NAALADL2: variants seen among roughly 807,000 people sequenced by gnomAD.
The protein encoded by NAALADL2 is inactive N-acetylated-alpha-linked acidic dipeptidase-like protein 2.
Under a neutral mutation model 87.2 loss-of-function variants are expected in NAALADL2, and 76 were observed. The observed-to-expected ratio is 0.87, with a 90% CI of 0.72 to 1.05. The LOEUF (loss-of-function observed/expected upper bound fraction) is 1.05. NAALADL2 is among the 50% of genes least tolerant of loss of function. NAALADL2 has a pLI of 0.00. For missense variants in NAALADL2, 1,089 were observed against 945.8 expected (o/e 1.15, Z -1.99); for synonymous variants, 354 against 331.0 (o/e 1.07, Z -0.75).
intron 2 of NAALADL2, among the ~76,000 whole-genome samples, chr3:175,111,265 C>T (rs1724144731): frequency 6.6e-6 from 1 of 151,702 alleles, no homozygotes; most frequent in South Asian, 2.1e-4. Flanking sequence ...AGAGCTACAA[C>T]ACTTAGCAGA....
At chr3:175,579,358 A>T (rs4564988) in intron 10 of NAALADL2, among the ~76,000 whole-genome samples, 19,314 of 152,164 alleles carry the variant, frequency 0.13, 1,383 homozygotes, top group Middle Eastern at 0.17. Context: ...GACATGTCAA[A>T]AAAACATGAC....
chr3:175,009,535 C>T (rs1028967769), intron 1 of NAALADL2, among the ~76,000 whole-genome samples: 20 of 152,100 alleles, frequency 1.3e-4, no homozygotes, highest in African/African-American at 4.6e-4. Flanking sequence ...CTATTTTGAT[C>T]TTTCTAAAGA....
chr3:174,692,915 A>G (rs1728708672), intron 2 of NAALADL2, among the ~76,000 whole-genome samples: 2 of 94,842 alleles, frequency 2.1e-5, no homozygotes, highest in African/African-American at 6.3e-5. Context: ...AATTATTGGT[A>G]TAAAAGGTTC....
At chr3:174,469,045 G>C (rs1716725668) in intron 1 of NAALADL2, among the ~76,000 whole-genome samples, 1 of 152,178 alleles carries the variant, frequency 6.6e-6, no homozygotes, top group South Asian at 2.1e-4. Context: ...TTACAGGCGT[G>C]AGCCACCGTG....
intron 2 of NAALADL2, among the ~76,000 whole-genome samples, chr3:174,729,191 G>A (rs750798484): frequency 3.2e-4 from 48 of 151,998 alleles, no homozygotes; most frequent in Non-Finnish European, 5.0e-4. Context: ...GATGTCTCCT[G>A]TCTGATTGGT....
At chr3:175,240,089 C>G (rs972734763) in intron 3 of NAALADL2, among the ~76,000 whole-genome samples, 10 of 151,988 alleles carry the variant, frequency 6.6e-5, no homozygotes, top group African/African-American at 2.4e-4. Flanking sequence ...AAATACGAAT[C>G]ATTAGGGAAG....
chr3:175,576,319 T>G (rs1718887224), intron 10 of NAALADL2, 132 bp downstream of exon 10: 1 of 756,258 alleles, frequency 1.3e-6, no homozygotes, highest in Non-Finnish European at 2.1e-6. Context: ...TAGAGAGTTA[T>G]TCTTGCTTTT....
intron 2 of NAALADL2, among the ~76,000 whole-genome samples, chr3:174,661,631 T>C (rs552312833): frequency 1.3e-5 from 2 of 152,268 alleles, no homozygotes; most frequent in South Asian, 4.1e-4. Context: ...CCTGGGTATG[T>C]TGTGTAGTGG....
intron 5 of NAALADL2, among the ~76,000 whole-genome samples, chr3:175,399,026 A>G (rs1433737648): frequency 1.3e-5 from 2 of 151,656 alleles, no homozygotes; most frequent in African/African-American, 4.8e-5. Context: ...CCTAGGTACA[A>G]TTTTTTTTAA....
At chr3:174,886,829 G>A (rs1730211472) in intron 1 of NAALADL2, among the ~76,000 whole-genome samples, 1 of 152,112 alleles carries the variant, frequency 6.6e-6, no homozygotes, top group African/African-American at 2.4e-5. Context: ...CTGACACTGA[G>A]CCATGTCTAC....
At chr3:175,379,194 T>C (rs866183529) in intron 5 of NAALADL2, among the ~76,000 whole-genome samples, 2,568 of 146,748 alleles carry the variant, frequency 0.017, 73 homozygotes, top group African/African-American at 0.059. Context: ...CCTCTCTCTT[T>C]TTTTTTTTTT....
chr3:174,933,424 G>A (rs1272615362), intron 1 of NAALADL2, among the ~76,000 whole-genome samples: 3 of 152,134 alleles, frequency 2.0e-5, no homozygotes, highest in Non-Finnish European at 4.4e-5. Flanking sequence ...ATGACCTTGA[G>A]AACATTCAGT....
chr3:174,751,747 G>T (rs1346661625), intron 3 of NAALADL2, among the ~76,000 whole-genome samples: 1 of 151,470 alleles, frequency 6.6e-6, no homozygotes, highest in African/African-American at 2.4e-5. Flanking sequence ...TGATCATGAT[G>T]CATATCTAAT....
At chr3:175,737,731 T>TG (rs1246950352) in intron 12 of NAALADL2, among the ~76,000 whole-genome samples, 1 of 143,128 alleles carries the variant, frequency 7.0e-6, no homozygotes, top group Non-Finnish European at 1.5e-5. Context: ...TTTTTTTTTT[T>TG]TTTTTTTTTT....
intron 3 of NAALADL2, among the ~76,000 whole-genome samples, chr3:174,826,525 A>G (rs957152480): frequency 6.6e-6 from 1 of 152,232 alleles, no homozygotes; most frequent in African/African-American, 2.4e-5. Context: ...ATAATAAGTA[A>G]TCAGTAAACA....
chr3:175,552,806 C>T (rs62287130), intron 9 of NAALADL2, among the ~76,000 whole-genome samples: 27,195 of 151,910 alleles, frequency 0.18, 2,560 homozygotes, highest in Middle Eastern at 0.23. Flanking sequence ...CAAGTATATA[C>T]CTATGATATG....
chr3:175,201,673 T>C (rs201971772), intron 2 of NAALADL2, among the ~76,000 whole-genome samples: 3 of 152,194 alleles, frequency 2.0e-5, no homozygotes, highest in African/African-American at 7.2e-5. Context: ...CCATATTCTT[T>C]TAACTTTGTA....
chr3:175,527,286 C>T (rs1415521732), intron 9 of NAALADL2, among the ~76,000 whole-genome samples: 2 of 152,024 alleles, frequency 1.3e-5, no homozygotes, highest in Non-Finnish European at 2.9e-5. Flanking sequence ...CTGATGAGGC[C>T]CTTCAACACA....
intron 1 of NAALADL2, among the ~76,000 whole-genome samples, chr3:174,484,201 A>G (rs1217956910): frequency 7.8e-6 from 1 of 127,994 alleles, no homozygotes; most frequent in Admixed American, 8.0e-5. Flanking sequence ...ATTATGGTAT[A>G]GCTCCTATAG....
Sources: allele counts gnomAD v4.1 joint callset (sites outside exome capture counted in the v4.1 genomes callset), GRCh38; gene constraint gnomAD v4.1.1; transcripts MANE v1.5; gene names NCBI Gene and HGNC (gene_info 2026-07-23, HGNC 2026-07-21).